EYA1: variants seen among roughly 807,000 people sequenced by gnomAD.
EYA1 encodes protein phosphatase EYA1.
EYA1 carries 16 observed loss-of-function variants against 82.0 expected under a neutral mutation model. The observed-to-expected ratio is 0.20, with a 90% CI of 0.13 to 0.30. The LOEUF (loss-of-function observed/expected upper bound fraction) is 0.30. EYA1 is among the 10% of genes least tolerant of loss of function. The pLI is 1.00. For synonymous variants in EYA1, 261 were observed against 264.4 expected (o/e 0.99, Z 0.12); for missense variants, 633 against 730.7 (o/e 0.87, Z 1.54).
At chr8:71,450,432 G>A (rs1807267463) in intron 2 of EYA1, among the ~76,000 whole-genome samples, 1 of 152,124 alleles carries the variant, frequency 6.6e-6, no homozygotes, top group Non-Finnish European at 1.5e-5. Flanking sequence ...GAGAGCGGGT[G>A]GTAAGTGGAG....
intron 6 of EYA1, among the ~76,000 whole-genome samples, chr8:71,320,662 T>C (rs976224292): frequency 6.6e-6 from 1 of 152,180 alleles, no homozygotes; most frequent in Non-Finnish European, 1.5e-5. Context: ...AAGTCGTACA[T>C]AATTTAGATT....
chr8:71,535,668 C>T (rs983212706), intron 2 of EYA1: 2 of 1,055,078 alleles, frequency 1.9e-6, no homozygotes, highest in Non-Finnish European at 1.4e-6. Flanking sequence ...TCCAGATACT[C>T]GGGTTACAAT....
chr8:71,317,795 C>G, intron 6 of EYA1, 106 bp from the exon 7 acceptor site: 2 of 1,091,534 alleles, frequency 1.8e-6, no homozygotes, highest in Non-Finnish European at 2.8e-6. Flanking sequence ...CTTCCCCAAT[C>G]TTATCTCAAA....
At chr8:71,466,360 T>A (rs957514995) in intron 2 of EYA1, among the ~76,000 whole-genome samples, 7 of 152,138 alleles carry the variant, frequency 4.6e-5, no homozygotes, top group African/African-American at 1.7e-4. Context: ...AAAGCTTTTT[T>A]TGAAATCAGA....
intron 7 of EYA1, among the ~76,000 whole-genome samples, chr8:71,309,285 A>G (rs2129013195): frequency 6.6e-6 from 1 of 152,230 alleles, no homozygotes; most frequent in South Asian, 2.1e-4. Context: ...AGAAATTTTT[A>G]TCCAGTTTTT....
At chr8:71,410,167 A>T (rs1407604706) in intron 2 of EYA1, among the ~76,000 whole-genome samples, 5 of 148,316 alleles carry the variant, frequency 3.4e-5, no homozygotes, top group Non-Finnish European at 7.5e-5. Context: ...AGCCTTTGAC[A>T]AAATTCAACA....
chr8:71,215,782 G>T, intron 14 of EYA1, 54 bp from the exon 15 acceptor site: 1 of 1,203,318 alleles, frequency 8.3e-7, no homozygotes, highest in Non-Finnish European at 1.2e-6. Context: ...TATTTCTTCG[G>T]CTTTGCAAGT....
At chr8:71,232,165 G>T (rs1187361985) in intron 12 of EYA1, among the ~76,000 whole-genome samples, 1 of 152,212 alleles carries the variant, frequency 6.6e-6, no homozygotes, top group Non-Finnish European at 1.5e-5. Flanking sequence ...TGTGTAAACT[G>T]CAGATAATAA....
intron 2 of EYA1, among the ~76,000 whole-genome samples, chr8:71,373,546 A>G (rs1415203144): frequency 6.6e-6 from 1 of 152,280 alleles, no homozygotes; most frequent in East Asian, 1.9e-4. Context: ...TAACATTGTT[A>G]AAATGTCAGT....
intron 9 of EYA1, among the ~76,000 whole-genome samples, chr8:71,293,956 T>C (rs953299551): frequency 2.7e-5 from 4 of 150,932 alleles, no homozygotes; most frequent in African/African-American, 7.3e-5. Flanking sequence ...ATAAAAGGTA[T>C]ACAAATTGGG....
intron 9 of EYA1, among the ~76,000 whole-genome samples, chr8:71,283,396 G>A (rs1485219860): frequency 6.6e-6 from 1 of 152,180 alleles, no homozygotes; most frequent in African/African-American, 2.4e-5. Flanking sequence ...TCTGCCAGAT[G>A]CATTTTATAT....
In EYA1 at chr8:71,215,524, G is replaced by A; in HGVS notation, c.1476-16C>T. 1 of 1,612,778 alleles carries A rather than the reference G, an allele frequency of 6.2e-7. No homozygotes were observed. The highest frequency in any genetic ancestry group is 2.2e-5 in the East Asian group (1 of 44,822). On this transcript the variant is annotated splice_polypyrimidine_tract_variant and intron_variant, in intron 15 of 17. Coordinates refer to ENST00000340726, the MANE Select transcript of EYA1 (RefSeq NM_000503.6). The stretch of plus-strand genomic sequence containing the variant: ...ACAGTTTGTCCTATGAGAACAAAAA[G>A]AAAACAAAGACTGTTGAAAAATAAA...
intron 12 of EYA1, among the ~76,000 whole-genome samples, chr8:71,219,669 G>GCTTA (rs1231211634): frequency 6.6e-6 from 1 of 152,066 alleles, no homozygotes; most frequent in Admixed American, 6.5e-5. Flanking sequence ...CTATCTAAAT[G>GCTTA]CTTACTTATT....
chr8:71,269,910 G>T, intron 10 of EYA1, 87 bp from the exon 11 acceptor site: 1 of 947,782 alleles, frequency 1.1e-6, no homozygotes, highest in Non-Finnish European at 1.7e-6. Context: ...AAGTCATCTT[G>T]AAACGGAAGA....
chr8:71,388,032 A>G (rs1274790836), intron 2 of EYA1, among the ~76,000 whole-genome samples: 1 of 152,180 alleles, frequency 6.6e-6, no homozygotes, highest in Admixed American at 6.6e-5. Flanking sequence ...GCCTGCACAC[A>G]TTGACTATAA....
intron 3 of EYA1, among the ~76,000 whole-genome samples, chr8:71,351,703 A>G (rs1217634000): frequency 6.6e-6 from 1 of 152,186 alleles, no homozygotes; most frequent in Non-Finnish European, 1.5e-5. Context: ...ACCTACAAAC[A>G]TTGAGTCTTA....
chr8:71,414,786 T>G (rs1202892119), intron 2 of EYA1, among the ~76,000 whole-genome samples: 1 of 152,140 alleles, frequency 6.6e-6, no homozygotes, highest in Non-Finnish European at 1.5e-5. Context: ...ATGCATCTGA[T>G]AGTTAGGTGC....
intron 7 of EYA1, among the ~76,000 whole-genome samples, chr8:71,303,266 T>C (rs1820383078): frequency 7.2e-6 from 1 of 139,188 alleles, no homozygotes; most frequent in Non-Finnish European, 1.6e-5. Flanking sequence ...TCTATCTCCA[T>C]GATATATGTG....
intron 8 of EYA1, 59 bp from the exon 9 acceptor site, chr8:71,299,292 T>C: frequency 1.3e-6 from 2 of 1,521,834 alleles, no homozygotes; most frequent in Admixed American, 1.7e-5. Flanking sequence ...ATCTCTTACA[T>C]ATCAAAGTGT....
Sources: gnomAD v4.1 joint callset for allele counts (sites outside exome capture counted in the v4.1 genomes callset) on GRCh38, gnomAD v4.1.1 for gene constraint, MANE v1.5 for transcripts, NCBI Gene and HGNC (gene_info 2026-07-23, HGNC 2026-07-21) for gene names.